The following FUT8 variants were observed in gnomAD, a reference collection of about 807,000 sequenced individuals.
The protein encoded by FUT8 is fucosyltransferase 8.
In FUT8, 29 loss-of-function variants were observed where a neutral mutation model predicts 71.3. The observed-to-expected ratio is 0.41, with a 90% confidence interval of 0.30 to 0.55. The LOEUF is 0.55. Ranked by LOEUF, FUT8 falls within the 20% of genes least tolerant of loss-of-function variation. FUT8 has a pLI of 0.34. For synonymous variants in FUT8, 254 were observed against 239.3 expected (o/e 1.06, Z -0.57); for missense variants, 544 against 702.1 (o/e 0.77, Z 2.55).
intron 2 of FUT8, among the ~76,000 whole-genome samples, chr14:65,475,650 A>T (rs907965264): frequency 6.6e-6 from 1 of 152,030 alleles, no homozygotes; most frequent in Non-Finnish European, 1.5e-5. Flanking sequence ...GCTGAGGCAG[A>T]GGATCGCTTG....
At chr14:65,408,061 T>C (rs2065094226), upstream of FUT8, among the ~76,000 whole-genome samples, 1 of 152,176 alleles carries the variant, frequency 6.6e-6, no homozygotes, top group Non-Finnish European at 1.5e-5. Flanking sequence ...TATTCTAGTC[T>C]AGCATAACCT....
intron 1 of FUT8, among the ~76,000 whole-genome samples, chr14:65,454,069 G>A (rs2065865067): frequency 6.6e-6 from 1 of 152,172 alleles, no homozygotes; most frequent in Admixed American, 6.5e-5. Context: ...AAACTGTCAT[G>A]TATTTTGTCT....
At chr14:65,390,728 T>TC in the FUT8 span, among the ~76,000 whole-genome samples, 1 of 149,596 alleles carries the variant, frequency 6.7e-6, no homozygotes, top group Non-Finnish European at 1.5e-5. Flanking sequence ...TCCTATTCTT[T>TC]TTTTTTTTTT....
the FUT8 span, among the ~76,000 whole-genome samples, chr14:65,403,055 T>C: frequency 2.0e-5 from 3 of 152,242 alleles, no homozygotes; most frequent in Non-Finnish European, 4.4e-5. Flanking sequence ...CCTTAGATTC[T>C]GTTTTCATGT....
chr14:65,610,368 C>G (rs1051481546), intron 3 of FUT8, among the ~76,000 whole-genome samples: 1 of 147,952 alleles, frequency 6.8e-6, no homozygotes, highest in African/African-American at 2.5e-5. Flanking sequence ...AGGAAATTTC[C>G]TTAATTTCCT....
intron 5 of FUT8, among the ~76,000 whole-genome samples, chr14:65,623,042 C>G (rs1889710605): frequency 6.6e-6 from 1 of 151,522 alleles, no homozygotes; most frequent in African/African-American, 2.4e-5. Context: ...AGGCGTGTGT[C>G]CCTGCAGCCA....
intron 7 of FUT8, among the ~76,000 whole-genome samples, chr14:65,700,444 G>A (rs996804369): frequency 3.4e-5 from 4 of 119,156 alleles, no homozygotes; most frequent in Admixed American, 1.1e-4. Flanking sequence ...AGGCTGGAGT[G>A]CAGTGGCTCA....
chr14:65,387,042 A>G, the FUT8 span, among the ~76,000 whole-genome samples: 43 of 152,156 alleles, frequency 2.8e-4, no homozygotes, highest in African/African-American at 1.0e-3. Flanking sequence ...GGGTTTCACC[A>G]TGTTGGTCAG....
intron 2 of FUT8, among the ~76,000 whole-genome samples, chr14:65,500,903 T>C (rs919765585): frequency 2.0e-5 from 3 of 152,240 alleles, no homozygotes; most frequent in African/African-American, 4.8e-5. Flanking sequence ...TGCCATGATA[T>C]TTGTTTCAAT....
chr14:65,450,767 AT>A (rs925683083), intron 1 of FUT8, among the ~76,000 whole-genome samples: 2 of 151,442 alleles, frequency 1.3e-5, no homozygotes, highest in Non-Finnish European at 2.9e-5. Flanking sequence ...ATGGTTAATC[AT>A]TTTTTTCTAT....
At chr14:65,717,850 G>A (rs904354918) in intron 7 of FUT8, among the ~76,000 whole-genome samples, 2 of 152,006 alleles carry the variant, frequency 1.3e-5, no homozygotes, top group African/African-American at 4.8e-5. Flanking sequence ...TTTTTTTCTT[G>A]AAATCTATTT....
the FUT8 span, among the ~76,000 whole-genome samples, chr14:65,365,459 A>C: frequency 6.6e-6 from 1 of 152,114 alleles, no homozygotes; most frequent in African/African-American, 2.4e-5. Context: ...AATGAGGCTG[A>C]GACCTACTGG....
At chr14:65,553,399 T>TGATA (rs1885402436) in intron 2 of FUT8, among the ~76,000 whole-genome samples, 1 of 152,146 alleles carries the variant, frequency 6.6e-6, no homozygotes, top group Admixed American at 6.6e-5. Context: ...ATAAACCCAG[T>TGATA]GATACATTAT....
At chr14:65,688,587 C>T (rs1466769914) in intron 7 of FUT8, among the ~76,000 whole-genome samples, 2 of 140,438 alleles carry the variant, frequency 1.4e-5, no homozygotes, top group African/African-American at 2.6e-5. Flanking sequence ...ATACCTTTCA[C>T]AAAAATGAAC....
At chr14:65,548,797 C>A (rs1885121379) in intron 2 of FUT8, among the ~76,000 whole-genome samples, 1 of 151,978 alleles carries the variant, frequency 6.6e-6, no homozygotes, top group East Asian at 1.9e-4. Flanking sequence ...AGATAAGCCA[C>A]AGACTGGGAG....
At chr14:65,491,740 CAG>C (rs543245500) in intron 2 of FUT8, among the ~76,000 whole-genome samples, 60 of 152,114 alleles carry the variant, frequency 3.9e-4, no homozygotes, top group Admixed American at 1.6e-3. Context: ...AAGGAATTAA[CAG>C]AAAATCTTTT....
At chr14:65,589,640 T>G (rs532478305) in intron 3 of FUT8, among the ~76,000 whole-genome samples, 97 of 152,024 alleles carry the variant, frequency 6.4e-4, no homozygotes, top group Non-Finnish European at 1.2e-3. Context: ...GAGACGGGGT[T>G]TCACCGTGTT....
rs184340144 is a variant in FUT8 at position 65,572,705 on chromosome 14, G to A, written c.203+10939G>A. On this transcript the variant is annotated intron_variant, in intron 3 of 10. Transcript: ENST00000673929. ...AGACTTAGCAAGGAAAATTATCAGCGATAAAGATGGGTCATTCTGTAGTGA... is the reference window on the plus strand; with the variant it reads ...AGACTTAGCAAGGAAAATTATCAGCAATAAAGATGGGTCATTCTGTAGTGA... 2.9e-3 allele frequency among the ~76,000 whole-genome samples: 435 copies of A among 152,148 alleles called. 5 individuals carry two copies. The highest frequency in any genetic ancestry group is 9.9e-3 in the African/African-American group (412 of 41,510).
At chr14:65,562,416 T>C (rs1162407499) in intron 3 of FUT8, among the ~76,000 whole-genome samples, 2 of 152,124 alleles carry the variant, frequency 1.3e-5, no homozygotes, top group East Asian at 3.9e-4. Flanking sequence ...GGAGAATGAT[T>C]ATCATTGCTA....
Sources: allele counts gnomAD v4.1 joint callset (sites outside exome capture counted in the v4.1 genomes callset), GRCh38; gene constraint gnomAD v4.1.1; transcripts MANE v1.5; gene names NCBI Gene and HGNC (gene_info 2026-07-23, HGNC 2026-07-21).